TMEM204: variants seen among roughly 807,000 people sequenced by gnomAD.
The protein encoded by TMEM204 is transmembrane protein 204, also known as claudin-like protein 24.
In TMEM204, 15 loss-of-function variants were observed where a neutral mutation model predicts 19.4. The observed-to-expected ratio is 0.77, with a 90% CI of 0.52 to 1.19. The LOEUF (loss-of-function observed/expected upper bound fraction) is 1.19. Ranked by LOEUF, TMEM204 falls within the 50% of genes most tolerant of loss-of-function variation. TMEM204 has a pLI of 0.00. For synonymous variants in TMEM204, 161 were observed against 146.0 expected (o/e 1.10, Z -0.74); for missense variants, 287 against 321.2 (o/e 0.89, Z 0.81).
Position 1,554,777 on chromosome 16 carries a change from T to C in TMEM204, c.437-5T>C. On this transcript the variant is annotated splice_polypyrimidine_tract_variant and splice_region_variant and intron_variant, in intron 2 of 2. Coordinates refer to ENST00000566264, the MANE Select transcript of TMEM204 (RefSeq NM_024600.6). ...AAGGCCTCTCAACCCTTCTCTCATC[T>C]GCAGGTTTTGTCCTGGTCATCGGGC... The C allele has an allele frequency of 1.2e-6, 2 of 1,613,972 alleles. No homozygotes were observed. Among genetic ancestry groups the C allele is most frequent in the East Asian group, 2.2e-5 (1 of 44,886 alleles).
chr16:1,539,528 C>T (rs1037393760), intron 1 of TMEM204, among the ~76,000 whole-genome samples: 7 of 152,274 alleles, frequency 4.6e-5, no homozygotes, highest in South Asian at 2.1e-4. Context: ...TCCCGCTGTC[C>T]GTACGGGAAC....
rs1300599525 is a variant in TMEM204, at chr16:1,553,633, T to C, written c.437-1149T>C. The C allele has an allele frequency of 8.5e-6, 9 of 1,058,072 alleles. No homozygotes were observed. The highest frequency in any genetic ancestry group is 1.0e-5 in the Non-Finnish European group (9 of 871,172). 65.5% of individuals were successfully genotyped at this position (1,058,072 alleles called of 1,614,324 possible). A position where few individuals can be genotyped will look rare whatever the true frequency, so the allele number is the denominator to read the frequency against. ...CAAGAAACAGACTCACTCAGGTTAC[T>C]GTAACAGAGAGGGAGGGGTGCTGGG... On this transcript the variant is annotated intron_variant, in intron 2 of 2. Coordinates refer to ENST00000566264, the MANE Select transcript of TMEM204 (RefSeq NM_024600.6). This position sits in a 1 kb window ranked among gnomAD's most constrained non-coding sequence, Gnocchi z 4.4.
rs539745621 is a variant in TMEM204 at position 1,551,224 on chromosome 16, C to T, written c.437-3558C>T. The stretch of plus-strand genomic sequence containing the variant: ...CAAGTTCTGGCCCCGGGGAGCCTGC[C>T]CTGTGGCGGGGGAGAGCGGCCAGAG... On this transcript the variant is annotated intron_variant, in intron 2 of 2. Transcript: ENST00000566264. This position sits in a 1 kb window ranked among gnomAD's most constrained non-coding sequence, Gnocchi z 4.0. Among the ~76,000 whole-genome samples the T allele has an allele frequency of 6.6e-6, 1 of 152,348 alleles. No individual in the cohort carries two copies. Among genetic ancestry groups the T allele is most frequent in the Non-Finnish European group, 1.5e-5 (1 of 68,038 alleles).
At position 1,555,233 on chromosome 16, in the gene TMEM204, T is replaced by C. The variant is rs114022362; in HGVS notation, c.*207T>C. ...TACGTGTCGTGGGCCAACCTCGTTC[T>C]GCCTCCAGCTTTCCTGGTTAGCGCA... On this transcript the variant is annotated 3_prime_UTR_variant, in exon 3 of 3. Coordinates refer to ENST00000566264, the MANE Select transcript of TMEM204 (RefSeq NM_024600.6). 1,116 of 621,072 alleles carry C rather than the reference T, an allele frequency of 1.8e-3. 5 individuals are homozygous for C. Among genetic ancestry groups the C allele is most frequent in the African/African-American group, 0.014 (783 of 54,204 alleles). The allele number at this position is 621,072 out of a possible 1,614,324, so 38.5% of individuals were successfully genotyped here.
intron 2 of TMEM204, among the ~76,000 whole-genome samples, chr16:1,545,371 A>G (rs1245716730): frequency 6.6e-6 from 1 of 152,176 alleles, no homozygotes; most frequent in African/African-American, 2.4e-5. Context: ...TCTCCCCCTC[A>G]GTGTCCAACC....
At chr16:1,530,133 CTTTTTTTTT>C (rs922819138), upstream of TMEM204, among the ~76,000 whole-genome samples, 59 of 88,584 alleles carry the variant, frequency 6.7e-4, no homozygotes, top group Admixed American at 1.2e-3. Flanking sequence ...CGACGGGAAT[CTTTTTTTTT>C]TTTTTTTTTT....
chr16:1,543,724 A>T (rs2031879170), intron 2 of TMEM204, among the ~76,000 whole-genome samples: 1 of 152,148 alleles, frequency 6.6e-6, no homozygotes, highest in African/African-American at 2.4e-5. Flanking sequence ...CAGGGAAAAC[A>T]TGAGACTCTC....
At chr16:1,530,950 G>C (rs1254996620), upstream of TMEM204, 1 of 152,342 alleles carries the variant, frequency 6.6e-6, no homozygotes, top group African/African-American at 2.4e-5. Context: ...CTGCCAGGCC[G>C]AGGCTGCTGG....
At position 1,555,131 on chromosome 16, in the gene TMEM204, C is replaced by G; in HGVS notation, c.*105C>G. 2 of 1,409,206 alleles carry G rather than the reference C, an allele frequency of 1.4e-6. No individual in the cohort carries two copies. The highest frequency in any genetic ancestry group is 1.9e-6 in the Non-Finnish European group (2 of 1,051,356). The allele number at this position is 1,409,206 out of a possible 1,614,324, so 87.3% of individuals were successfully genotyped here. A position where few individuals can be genotyped will look rare whatever the true frequency, so the allele number is the denominator to read the frequency against. ...CACTTCCCCTGCTCGTGCAGAGGCACGGGATGAGTCTGGGTGACCTCTGCG... is the reference window on the plus strand; with the variant it reads ...CACTTCCCCTGCTCGTGCAGAGGCAGGGGATGAGTCTGGGTGACCTCTGCG... On this transcript the variant is annotated 3_prime_UTR_variant, in exon 3 of 3. Transcript: ENST00000566264.
At chr16:1,536,006 G>T (rs963060485) in intron 1 of TMEM204, among the ~76,000 whole-genome samples, 3 of 152,226 alleles carry the variant, frequency 2.0e-5, no homozygotes, top group African/African-American at 7.2e-5. Flanking sequence ...TGAACCTCTC[G>T]CGGGGGCAGC....
rs985942485 is a variant in TMEM204 at position 1,551,750 on chromosome 16, G to A, written c.437-3032G>A. The stretch of plus-strand genomic sequence containing the variant: ...TTTGTTGGGAGCTACCTATACAAAG[G>A]AGGCCACACCACACGTGCGTGGTCC... On this transcript the variant is annotated intron_variant, in intron 2 of 2. Coordinates refer to ENST00000566264, the MANE Select transcript of TMEM204 (RefSeq NM_024600.6). This position sits in a 1 kb window ranked among gnomAD's most constrained non-coding sequence, Gnocchi z 4.0. Among the ~76,000 whole-genome samples the A allele has an allele frequency of 2.6e-5, 4 of 152,174 alleles. No homozygotes were observed. The highest frequency in any genetic ancestry group is 5.9e-5 in the Non-Finnish European group (4 of 68,020).
At chr16:1,530,141 T>TC (rs2030307466), upstream of TMEM204, among the ~76,000 whole-genome samples, 1 of 139,226 alleles carries the variant, frequency 7.2e-6, no homozygotes. Context: ...ATCTTTTTTT[T>TC]TTTTTTTTTT....
At chr16:1,541,616 G>A in intron 1 of TMEM204, 1 of 501,554 alleles carries the variant, frequency 2.0e-6, no homozygotes, top group East Asian at 1.5e-4. Context: ...GTCAGGCAGA[G>A]AGGAACAGCT....
At chr16:1,537,579 A>C (rs2031200168) in intron 1 of TMEM204, among the ~76,000 whole-genome samples, 1 of 152,116 alleles carries the variant, frequency 6.6e-6, no homozygotes, top group African/African-American at 2.4e-5. Flanking sequence ...TTCATTACGG[A>C]TCAGGGGTGC....
At chr16:1,539,876 G>A (rs1348680251) in intron 1 of TMEM204, among the ~76,000 whole-genome samples, 2 of 152,190 alleles carry the variant, frequency 1.3e-5, no homozygotes, top group Non-Finnish European at 2.9e-5. Flanking sequence ...CCGTGCCCCA[G>A]GGTCCTTCAT....
chr16:1,546,266 G>A (rs1424645977), intron 2 of TMEM204, among the ~76,000 whole-genome samples: 10 of 152,224 alleles, frequency 6.6e-5, no homozygotes, highest in Non-Finnish European at 2.9e-5. Flanking sequence ...GGCGACTTCT[G>A]CAGGCAGCCT....
At chr16:1,554,367 C>A (rs1398770251) in intron 2 of TMEM204, among the ~76,000 whole-genome samples, 1 of 152,216 alleles carries the variant, frequency 6.6e-6, no homozygotes, top group Admixed American at 6.5e-5. Flanking sequence ...GGATTTAACA[C>A]AAAATTACTG....
rs562878709 is a variant in TMEM204, at chr16:1,537,150, A to G, written c.280+2595A>G. On this transcript the variant is annotated intron_variant, in intron 1 of 2. Coordinates refer to ENST00000566264, the MANE Select transcript of TMEM204 (RefSeq NM_024600.6). The stretch of plus-strand genomic sequence containing the variant: ...TGGGTGCTGGTTTGCTCACAATTCC[A>G]TCCCGAGAACCAGTCTAGGGTCGGG... 3.3e-3 allele frequency among the ~76,000 whole-genome samples: 506 copies of G among 152,234 alleles called. 1 individual carries two copies. The highest frequency in any genetic ancestry group is 5.7e-3 in the Non-Finnish European group (386 of 67,998).
intron 2 of TMEM204, among the ~76,000 whole-genome samples, chr16:1,544,943 C>T (rs12445282): frequency 0.053 from 8,007 of 152,318 alleles, 439 homozygotes; most frequent in Admixed American, 0.17. Context: ...CCACGGCACC[C>T]GGCCCAGATC....
Sources: allele counts gnomAD v4.1 joint callset (sites outside exome capture counted in the v4.1 genomes callset), GRCh38; gene constraint gnomAD v4.1.1; non-coding constraint Gnocchi (gnomAD v3.1); transcripts MANE v1.5; gene names NCBI Gene and HGNC (gene_info 2026-07-23, HGNC 2026-07-21).